GCNT2: variants seen among roughly 807,000 people sequenced by gnomAD.
The protein encoded by GCNT2 is N-acetyllactosaminide beta-1,6-N-acetylglucosaminyl-transferase.
A neutral mutation model predicts 34.2 loss-of-function variants in GCNT2; 34 were observed. The ratio of observed to expected loss-of-function variants is 1.00; its 90% CI spans 0.76 to 1.32. The LOEUF is 1.32. Among genes scored for constraint, GCNT2 ranks in the 40% most tolerant of loss-of-function variants. GCNT2 has a pLI of 0.00. For missense variants in GCNT2, 584 were observed against 489.4 expected (o/e 1.19, Z -1.82); for synonymous variants, 212 against 188.0 (o/e 1.13, Z -1.04).
Position 10,586,918 on chromosome 6 carries a change from G to A in GCNT2, c.926-34433G>A, listed in dbSNP as rs1372973085. 6 of 1,602,238 alleles carry A rather than the reference G, an allele frequency of 3.7e-6. No homozygotes were observed. The South Asian group carries it at 5.5e-5, about 15-fold the overall frequency. On this transcript the variant is annotated intron_variant, in intron 3 of 4. Transcript: ENST00000495262. ...GTGACACTTAATAGGGTTTCAGGTA[G>A]GTACTAATTTCCATTCTGATTGATA...
At chr6:10,538,469 A>G (rs1382050619) in intron 3 of GCNT2, among the ~76,000 whole-genome samples, 1 of 141,224 alleles carries the variant, frequency 7.1e-6, no homozygotes, top group Non-Finnish European at 1.5e-5. Flanking sequence ...TTGAACTCTC[A>G]TAAGTCAGGG....
At chr6:10,599,719 C>T (rs990219784) in intron 3 of GCNT2, among the ~76,000 whole-genome samples, 2 of 152,150 alleles carry the variant, frequency 1.3e-5, no homozygotes, top group African/African-American at 4.8e-5. Flanking sequence ...TGGGTTTTCT[C>T]AGCCAAGGAA....
At chr6:10,569,274 C>T (rs1055671606) in intron 3 of GCNT2, among the ~76,000 whole-genome samples, 1 of 137,094 alleles carries the variant, frequency 7.3e-6, no homozygotes, top group African/African-American at 2.7e-5. Context: ...CACACACACA[C>T]CCCCTAGGTA....
chr6:10,575,397 T>G (rs1176876894), intron 3 of GCNT2, among the ~76,000 whole-genome samples: 2 of 151,218 alleles, frequency 1.3e-5, no homozygotes, highest in African/African-American at 4.9e-5. Flanking sequence ...GTTTCACTCT[T>G]GTCCTCCAGG....
At chr6:10,578,321 C>G (rs1763911783) in intron 3 of GCNT2, among the ~76,000 whole-genome samples, 1 of 147,762 alleles carries the variant, frequency 6.8e-6, no homozygotes, top group South Asian at 2.2e-4. Flanking sequence ...GCGAAGGTTG[C>G]AGTGAGCCGA....
chr6:10,626,521 C>A lies in GCNT2; in HGVS notation c.1123C>A (p.Leu375Ile). ...CAAGTTTGAGCTTAATACCTACCCC[C>A]TTACTGTGGAATGCCTAGAACTGAG... ...ANKFELNTYP[L>I]TVECLELRHR... The change falls in exon 5 of 5, where the codon CTT becomes ATT. Residue 375 changes from leucine (L) to isoleucine (I), a missense_variant. Coordinates refer to ENST00000495262, the MANE Select transcript of GCNT2 (RefSeq NM_145649.5). 6.2e-7 allele frequency: 1 copy of A among 1,613,582 alleles called. No individual in the cohort carries two copies. The highest frequency in any genetic ancestry group is 8.5e-7 in the Non-Finnish European group (1 of 1,179,484).
chr6:10,549,237 A>T (rs552173774), intron 3 of GCNT2, among the ~76,000 whole-genome samples: 6 of 152,344 alleles, frequency 3.9e-5, no homozygotes, highest in African/African-American at 1.2e-4. Context: ...GCCCACGCTG[A>T]GAAACCCTGC....
At position 10,536,227 on chromosome 6, in the gene GCNT2, C is replaced by T. The variant is rs80273958; in HGVS notation, c.925+6391C>T. Among the ~76,000 whole-genome samples, 1,000 of 152,214 alleles carry T rather than the reference C, an allele frequency of 6.6e-3. 9 individuals are homozygous for T. Among genetic ancestry groups the T allele is most frequent in the African/African-American group, 0.023 (960 of 41,538 alleles). On this transcript the variant is annotated intron_variant, in intron 3 of 4. Transcript: ENST00000495262. ...TGATATTCCCCAAACCAATCGAGCA[C>T]ACAGAGCTTCTGAGATGCTAGGCGA...
At chr6:10,607,649 T>C (rs1765382274) in intron 3 of GCNT2, among the ~76,000 whole-genome samples, 1 of 152,194 alleles carries the variant, frequency 6.6e-6, no homozygotes, top group South Asian at 2.1e-4. Flanking sequence ...TAGAGTGCTA[T>C]CATTTGAATG....
chr6:10,564,931 A>C (rs1763210923), intron 3 of GCNT2, among the ~76,000 whole-genome samples: 1 of 152,226 alleles, frequency 6.6e-6, no homozygotes, highest in African/African-American at 2.4e-5. Context: ...GAGAGAAGCC[A>C]GATCATTAGA....
rs1761314993 is a variant in GCNT2 at position 10,528,645 on chromosome 6, T to G, written c.-267T>G. On this transcript the variant is annotated 5_prime_UTR_variant, in exon 3 of 5. Transcript: ENST00000495262. ...TTTTTGTGTAGACACAGGTTGCAGG[T>G]TAGCAGGAGAACAGGCAAGCCAAAT... The G allele has an allele frequency of 5.8e-6, 3 of 520,450 alleles. No individual in the cohort carries two copies. Among genetic ancestry groups the G allele is most frequent in the Admixed American group, 3.2e-5 (1 of 31,304 alleles). 32.2% of individuals were successfully genotyped at this position (520,450 alleles called of 1,614,324 possible). A position where few individuals can be genotyped will look rare whatever the true frequency, so the allele number is the denominator to read the frequency against.
intron 3 of GCNT2, among the ~76,000 whole-genome samples, chr6:10,565,923 T>C (rs1359916358): frequency 6.6e-6 from 1 of 152,130 alleles, no homozygotes; most frequent in African/African-American, 2.4e-5. Flanking sequence ...CACATCCCTC[T>C]CCTCCTTAGA....
At chr6:10,608,864 A>G (rs544087732) in intron 3 of GCNT2, among the ~76,000 whole-genome samples, 1 of 152,310 alleles carries the variant, frequency 6.6e-6, no homozygotes, top group South Asian at 2.1e-4. Context: ...GACATTGTTG[A>G]AAGATGAGGC....
intron 3 of GCNT2, among the ~76,000 whole-genome samples, chr6:10,546,800 A>C (rs1295447101): frequency 6.6e-6 from 1 of 152,162 alleles, no homozygotes; most frequent in African/African-American, 2.4e-5. Context: ...TAAAAATGTA[A>C]ACAGTACACA....
intron 3 of GCNT2, among the ~76,000 whole-genome samples, chr6:10,554,516 A>C (rs1762608977): frequency 1.3e-5 from 2 of 152,230 alleles, no homozygotes; most frequent in South Asian, 4.1e-4. Context: ...TCTGTTGCCC[A>C]AATTAAGTTA....
intron 3 of GCNT2, among the ~76,000 whole-genome samples, chr6:10,548,371 T>C (rs1762352608): frequency 6.6e-6 from 1 of 152,238 alleles, no homozygotes; most frequent in African/African-American, 2.4e-5. Flanking sequence ...AAAAGGCTGC[T>C]GCAACAAGAG....
At chr6:10,600,374 T>G (rs1054328496) in intron 3 of GCNT2, among the ~76,000 whole-genome samples, 3 of 152,242 alleles carry the variant, frequency 2.0e-5, no homozygotes, top group Non-Finnish European at 1.5e-5. Flanking sequence ...TTTACATTGT[T>G]GTTGATTTTG....
At chr6:10,567,145 C>T (rs1296413431) in intron 3 of GCNT2, among the ~76,000 whole-genome samples, 1 of 151,914 alleles carries the variant, frequency 6.6e-6, no homozygotes, top group Admixed American at 6.6e-5. Flanking sequence ...ATAGTGAGAC[C>T]ACATCTCAAC....
chr6:10,618,340 C>G (rs1028943103), intron 3 of GCNT2, among the ~76,000 whole-genome samples: 2 of 152,084 alleles, frequency 1.3e-5, no homozygotes, highest in Non-Finnish European at 2.9e-5. Context: ...TTCAGTAACA[C>G]GAGGTTAGTA....
Sources: allele counts gnomAD v4.1 joint callset (sites outside exome capture counted in the v4.1 genomes callset), GRCh38; gene constraint gnomAD v4.1.1; transcripts MANE v1.5; gene names NCBI Gene and HGNC (gene_info 2026-07-23, HGNC 2026-07-21).